NBEA: variants seen among roughly 807,000 people sequenced by gnomAD.
NBEA encodes neurobeachin.
NBEA carries 44 observed loss-of-function variants against 343.4 expected under a neutral mutation model. The ratio of observed to expected loss-of-function variants is 0.13; its 90% confidence interval spans 0.10 to 0.16. The LOEUF (loss-of-function observed/expected upper bound fraction) is 0.16. Ranked by LOEUF, NBEA falls within the 10% of genes least tolerant of loss-of-function variation. The probability of loss-of-function intolerance (pLI) is 1.00; values close to 1 mark genes in which losing one functional copy is unlikely to be tolerated. For synonymous variants in NBEA, 1,175 were observed against 1,238.7 expected, an observed-to-expected ratio of 0.95 and a Z score of 1.08; for missense variants, 2,555 against 3,631.3, an observed-to-expected ratio of 0.70 and a Z score of 7.62.
intron 41 of NBEA, chr13:35,475,924 G>T: frequency 2.5e-6 from 4 of 1,614,146 alleles, no homozygotes; most frequent in Non-Finnish European, 3.4e-6. Flanking sequence ...TTCAAATTCG[G>T]TGGGGGAGAT....
chr13:35,089,916 G>GC (rs2064988067), intron 10 of NBEA, among the ~76,000 whole-genome samples: 3 of 91,032 alleles, frequency 3.3e-5, no homozygotes, highest in Admixed American at 1.2e-4. Flanking sequence ...GTTGTGGGGT[G>GC]GGGGGAGGGG....
chr13:35,020,146 T>G (rs2061787850), intron 1 of NBEA, among the ~76,000 whole-genome samples: 1 of 152,116 alleles, frequency 6.6e-6, no homozygotes, highest in African/African-American at 2.4e-5. Flanking sequence ...TCTTTTAATG[T>G]TATACATTTC....
intron 41 of NBEA, among the ~76,000 whole-genome samples, chr13:35,498,003 T>C (rs1000398426): frequency 4.6e-5 from 7 of 152,042 alleles, no homozygotes; most frequent in Non-Finnish European, 7.4e-5. Context: ...AATTATTTAA[T>C]GGTAGATGTT....
chr13:35,572,045 G>A (rs2080458527), intron 45 of NBEA, among the ~76,000 whole-genome samples: 1 of 152,080 alleles, frequency 6.6e-6, no homozygotes, highest in South Asian at 2.1e-4. Flanking sequence ...CAGGTTAGGG[G>A]CTATGTTTAT....
At chr13:35,291,906 G>A (rs537296910) in intron 35 of NBEA, among the ~76,000 whole-genome samples, 1 of 151,892 alleles carries the variant, frequency 6.6e-6, no homozygotes, top group Non-Finnish European at 1.5e-5. Context: ...TTTCAGCAAA[G>A]CAATGTTGTA....
At chr13:35,416,053 A>G (rs981754701) in intron 38 of NBEA, among the ~76,000 whole-genome samples, 3 of 152,172 alleles carry the variant, frequency 2.0e-5, no homozygotes, top group South Asian at 4.1e-4. Flanking sequence ...ATTGGTGTAT[A>G]GGAATGCTTG....
chr13:35,205,382 T>C (rs1234640221), intron 31 of NBEA, among the ~76,000 whole-genome samples: 1 of 152,172 alleles, frequency 6.6e-6, no homozygotes, highest in Non-Finnish European at 1.5e-5. Flanking sequence ...CAGAGATTTT[T>C]TTCTTCTTGT....
intron 38 of NBEA, among the ~76,000 whole-genome samples, chr13:35,402,105 A>G (rs2043029007): frequency 6.6e-6 from 1 of 152,026 alleles, no homozygotes; most frequent in Non-Finnish European, 1.5e-5. Flanking sequence ...GTTTAAAACC[A>G]CTTCAAAAGG....
chr13:35,665,257 G>A (rs986441521), intron 56 of NBEA, 71 bp downstream of exon 56: 1 of 1,271,934 alleles, frequency 7.9e-7, no homozygotes, highest in African/African-American at 1.5e-5. Flanking sequence ...GTGATTGTCA[G>A]TTTATTTCTT....
At chr13:35,592,504 A>C (rs2081583612) in intron 46 of NBEA, among the ~76,000 whole-genome samples, 1 of 152,148 alleles carries the variant, frequency 6.6e-6, no homozygotes, top group South Asian at 2.1e-4. Flanking sequence ...TGGTAGCGCA[A>C]GGAAAGTTTT....
At chr13:35,631,521 T>C (rs1469002886) in intron 49 of NBEA, among the ~76,000 whole-genome samples, 2 of 151,862 alleles carry the variant, frequency 1.3e-5, no homozygotes, top group Non-Finnish European at 2.9e-5. Flanking sequence ...AAAGGAAGGC[T>C]AATTATGGCT....
intron 24 of NBEA, 89 bp downstream of exon 24, chr13:35,164,598 A>T: frequency 7.3e-7 from 1 of 1,365,796 alleles, no homozygotes; most frequent in Non-Finnish European, 1.0e-6. Flanking sequence ...AACACATTTT[A>T]ACCAGACCTG....
chr13:34,951,973 G>A (rs749214705), intron 1 of NBEA, among the ~76,000 whole-genome samples: 3 of 152,102 alleles, frequency 2.0e-5, no homozygotes, highest in Admixed American at 6.6e-5. Flanking sequence ...GTACACTTGC[G>A]GAATTGAACA....
intron 29 of NBEA, among the ~76,000 whole-genome samples, chr13:35,183,185 A>C (rs896309596): frequency 1.3e-5 from 2 of 151,976 alleles, no homozygotes; most frequent in Non-Finnish European, 2.9e-5. Flanking sequence ...GAACAGCATA[A>C]ACACAGTTTC....
chr13:35,011,342 C>T (rs1353055260), intron 1 of NBEA, among the ~76,000 whole-genome samples: 1 of 152,094 alleles, frequency 6.6e-6, no homozygotes, highest in East Asian at 1.9e-4. Flanking sequence ...GAGATAATTT[C>T]ACCTTCTCAT....
At position 35,176,846 on chromosome 13, in the gene NBEA, A is replaced by G. The variant is rs2070935946; in HGVS notation, c.4555-150A>G. 9.2e-6 allele frequency: 5 copies of G among 541,928 alleles called. No individual in the cohort carries two copies. In the Admixed American group the frequency reaches 1.2e-4, roughly 13 times the overall value. 33.6% of individuals were successfully genotyped at this position (541,928 alleles called of 1,614,324 possible). A position where few individuals can be genotyped will look rare whatever the true frequency, so the allele number is the denominator to read the frequency against. On this transcript the variant is annotated intron_variant, in intron 27 of 58. Transcript: ENST00000379939. ...ATGACATGAGTAGAGAGCAGAAAATATGCATTGTAATAGAGGATTATGATC... is the reference window on the plus strand; with the variant it reads ...ATGACATGAGTAGAGAGCAGAAAATGTGCATTGTAATAGAGGATTATGATC...
rs2032752432 is a variant in NBEA, at chr13:35,257,530, CAT to C, written c.5776+24912_5776+24913del. Among the ~76,000 whole-genome samples, 3 of 152,074 alleles carry C rather than the reference CAT, an allele frequency of 2.0e-5. No homozygotes were observed. In the South Asian group the frequency reaches 6.2e-4, roughly 32 times the overall value. On this transcript the variant is annotated intron_variant, in intron 34 of 58. Coordinates refer to ENST00000379939, the MANE Select transcript of NBEA (RefSeq NM_001385012.1). ...TATTTGAGATATTTAAAAAATACTT[CAT>C]GTGGTTACAGTTTCCATTTTTACAC...
At chr13:35,247,242 C>A (rs1203334974) in intron 34 of NBEA, among the ~76,000 whole-genome samples, 4 of 152,172 alleles carry the variant, frequency 2.6e-5, no homozygotes. Context: ...AGGGCTTCTG[C>A]GTCTCCTGCC....
At chr13:35,329,598 A>G (rs2038798162) in intron 36 of NBEA, among the ~76,000 whole-genome samples, 2 of 152,138 alleles carry the variant, frequency 1.3e-5, no homozygotes, top group South Asian at 4.1e-4. Flanking sequence ...CAGCAAAGAC[A>G]TACCACATGA....
Sources: allele counts gnomAD v4.1 joint callset (sites outside exome capture counted in the v4.1 genomes callset), GRCh38; gene constraint gnomAD v4.1.1; transcripts MANE v1.5; gene names NCBI Gene and HGNC (gene_info 2026-07-23, HGNC 2026-07-21).